The following SERF2 variants were observed in gnomAD, a reference collection of about 807,000 sequenced individuals.
SERF2 encodes the protein gastric cancer-related protein VRG107.
A neutral mutation model predicts 10.7 loss-of-function variants in SERF2; 4 were observed. That is an observed-to-expected ratio of 0.37 (90% CI 0.18 to 0.86). The LOEUF (loss-of-function observed/expected upper bound fraction) is 0.86, where lower values mean the gene tolerates loss of function less well. SERF2 is among the 40% of genes least tolerant of loss of function. The probability of loss-of-function intolerance (pLI) is 0.43; values close to 1 mark genes in which losing one functional copy is unlikely to be tolerated. For missense variants in SERF2, 47 were observed against 79.1 expected (o/e 0.59, Z 1.54); for synonymous variants, 26 against 26.0 (o/e 1.00, Z 0.01).
In SERF2 at chr15:43,794,328, T is replaced by C. The variant is rs906735508; in HGVS notation, c.*555T>C. 9.3e-6 allele frequency: 2 copies of C among 214,164 alleles called. No homozygotes were observed. Among genetic ancestry groups the C allele is most frequent in the African/African-American group, 4.6e-5 (2 of 43,628 alleles). The allele number at this position is 214,164 out of a possible 1,614,324, so 13.3% of individuals were successfully genotyped here. ...AGGATGGAGTTGGCCTAAGAGTGAATGCTGCAAGATCTGTGTTTATGCCTC... is the reference window on the plus strand; with the variant it reads ...AGGATGGAGTTGGCCTAAGAGTGAACGCTGCAAGATCTGTGTTTATGCCTC... On this transcript the variant is annotated 3_prime_UTR_variant, in exon 3 of 3. Transcript: ENST00000249786.
At chr15:43,778,558 A>G (rs2141665088) in intron 1 of SERF2, among the ~76,000 whole-genome samples, 1 of 123,854 alleles carries the variant, frequency 8.1e-6, no homozygotes. Flanking sequence ...AAAAAAGGCC[A>G]GGCGCGCTGG....
intron 1 of SERF2, among the ~76,000 whole-genome samples, chr15:43,780,940 C>G (rs1451357864): frequency 1.3e-5 from 2 of 152,068 alleles, no homozygotes. Flanking sequence ...GCTAACTCAG[C>G]ATAAGATTTT....
intron 1 of SERF2, among the ~76,000 whole-genome samples, chr15:43,781,496 G>A (rs1410484824): frequency 1.3e-5 from 2 of 151,896 alleles, no homozygotes; most frequent in African/African-American, 4.8e-5. Context: ...AGGTTTCAGT[G>A]AGCTGAGATA....
At chr15:43,777,159 T>C (rs2086926745) in exon 1 of SERF2, 2 of 663,786 alleles carry the variant, frequency 3.0e-6, no homozygotes, top group Non-Finnish European at 5.7e-6. Flanking sequence ...CTTTGGGCTA[T>C]CGGAAGAGCT....
At position 43,795,363 on chromosome 15, in the gene SERF2, G is replaced by T; in HGVS notation, c.*1590G>T. 6.2e-7 allele frequency: 1 copy of T among 1,613,428 alleles called. No homozygotes were observed. Among genetic ancestry groups the T allele is most frequent in the Non-Finnish European group, 8.5e-7 (1 of 1,179,370 alleles). On this transcript the variant is annotated 3_prime_UTR_variant, in exon 3 of 3. Transcript: ENST00000249786. The stretch of plus-strand genomic sequence containing the variant: ...TTAAAATAGCTAGCTCTTCAGGAGA[G>T]TATCTAAGGCCCACTCCATCTTACC...
Position 43,795,572 on chromosome 15 carries a change from A to G in SERF2, c.*1799A>G. The G allele has an allele frequency of 6.2e-7, 1 of 1,613,724 alleles. No individual in the cohort carries two copies. The highest frequency in any genetic ancestry group is 8.5e-7 in the Non-Finnish European group (1 of 1,179,744). Reference sequence around the variant, plus strand: ...GAGAGGAAATGGCTGCTGGGAGCAGAGCTGCTGAAACACCTCTTCCCCTCT... The same window carrying G: ...GAGAGGAAATGGCTGCTGGGAGCAGGGCTGCTGAAACACCTCTTCCCCTCT... On this transcript the variant is annotated 3_prime_UTR_variant, in exon 3 of 3. Transcript: ENST00000249786.
chr15:43,795,108 C>T lies in SERF2; in HGVS notation c.*1335C>T, dbSNP rs146664766. ...GGGGCCAACAGAGTGGTGCCAGTAA[C>T]AGCCCCAGATAGAGGAGTACGCAGG... On this transcript the variant is annotated 3_prime_UTR_variant, in exon 3 of 3. Coordinates refer to ENST00000249786, the MANE Select transcript of SERF2 (RefSeq NM_001018108.4). 4.0e-5 allele frequency: 64 copies of T among 1,613,916 alleles called. No homozygotes were observed. In the Admixed American group the frequency reaches 4.7e-4, roughly 12 times the overall value.
At position 43,779,611 on chromosome 15, in the gene SERF2, C is replaced by T. The variant is rs2086949612; in HGVS notation, c.-527+2109C>T. Among the ~76,000 whole-genome samples the T allele has an allele frequency of 2.6e-5, 4 of 152,072 alleles. No homozygotes were observed. The South Asian group carries it at 8.3e-4, about 32-fold the overall frequency. On this transcript the variant is annotated intron_variant, in intron 1 of 4. Coordinates refer to the SERF2 transcript ENST00000381359. ...GGGTCAAGCAGTCCACCCACCTCAG[C>T]CTCCTTCATAGCTGTAACTACAGGA...
chr15:43,793,597 C>T (rs2087124978), intron 2 of SERF2, 113 bp from the exon 3 acceptor site: 1 of 1,589,482 alleles, frequency 6.3e-7, no homozygotes, highest in Non-Finnish European at 8.6e-7. Context: ...AGCAGCCAAA[C>T]GCTGAACTTA....
chr15:43,785,053 ATTAT>A (rs1176540436), intron 1 of SERF2, among the ~76,000 whole-genome samples: 2 of 126,476 alleles, frequency 1.6e-5, no homozygotes, highest in African/African-American at 3.0e-5. Flanking sequence ...GTGCTCTGCC[ATTAT>A]TTATTTATTT....
At position 43,794,614 on chromosome 15, in the gene SERF2, C is replaced by G. The variant is rs940880610; in HGVS notation, c.*841C>G. 2.1e-5 allele frequency: 4 copies of G among 192,666 alleles called. No individual in the cohort carries two copies. The highest frequency in any genetic ancestry group is 9.3e-5 in the African/African-American group (4 of 42,856). 11.9% of individuals were successfully genotyped at this position (192,666 alleles called of 1,614,324 possible). ...GCTTCTTATATCCGTGTGCCCAGGG[C>G]TGAACTCCTTATTTTCCTTTCTCCA... On this transcript the variant is annotated 3_prime_UTR_variant, in exon 3 of 3. Coordinates refer to ENST00000249786, the MANE Select transcript of SERF2 (RefSeq NM_001018108.4).
chr15:43,792,602 C>G lies in SERF2; in HGVS notation c.7+219C>G, dbSNP rs1210428218. On this transcript the variant is annotated intron_variant, in intron 1 of 2. Coordinates refer to ENST00000249786, the MANE Select transcript of SERF2 (RefSeq NM_001018108.4). Reference sequence around the variant, plus strand: ...GGGTTAGGCATAGGCCCTCCCGGATCTTCCGCGGTGTAAGGAGAAGGCCAG... The same window carrying G: ...GGGTTAGGCATAGGCCCTCCCGGATGTTCCGCGGTGTAAGGAGAAGGCCAG... 10 of 1,442,452 alleles carry G rather than the reference C, an allele frequency of 6.9e-6. No homozygotes were observed. The South Asian group carries it at 1.4e-4, about 21-fold the overall frequency. 89.4% of individuals were successfully genotyped at this position (1,442,452 alleles called of 1,614,324 possible).
At chr15:43,782,066 T>C (rs2086969431) in intron 1 of SERF2, among the ~76,000 whole-genome samples, 1 of 151,954 alleles carries the variant, frequency 6.6e-6, no homozygotes, top group Admixed American at 6.6e-5. Context: ...TTTTTGTATT[T>C]TTAGTAGAGA....
In SERF2 at chr15:43,794,059, G is replaced by A. The variant is rs973500313; in HGVS notation, c.*286G>A. 2 of 1,299,046 alleles carry A rather than the reference G, an allele frequency of 1.5e-6. No homozygotes were observed. The highest frequency in any genetic ancestry group is 2.0e-6 in the Non-Finnish European group (2 of 975,952). The allele number at this position is 1,299,046 out of a possible 1,614,324, so 80.5% of individuals were successfully genotyped here. ...AGCTTTGTAATTCCTTGAGCGCCTG[G>A]TTTGACTGGGGACTTGGGGGGATGG... On this transcript the variant is annotated 3_prime_UTR_variant, in exon 3 of 3. Coordinates refer to ENST00000249786, the MANE Select transcript of SERF2 (RefSeq NM_001018108.4).
At chr15:43,783,063 A>G (rs1362260899) in intron 1 of SERF2, among the ~76,000 whole-genome samples, 3 of 143,788 alleles carry the variant, frequency 2.1e-5, no homozygotes, top group African/African-American at 8.0e-5. Context: ...GCTGTAGTGC[A>G]GTGGCACAAT....
chr15:43,792,128 C>T (rs527632126), upstream of SERF2: 93 of 560,022 alleles, frequency 1.7e-4, 1 homozygote, highest in South Asian at 1.7e-3. Flanking sequence ...CCCGTCCCTA[C>T]GTCTCACTCG....
At chr15:43,792,793 C>T (rs1339462779) in intron 1 of SERF2, 182 bp from the exon 2 acceptor site, 8 of 686,768 alleles carry the variant, frequency 1.2e-5, no homozygotes, top group Non-Finnish European at 1.9e-5. Context: ...GTATTTTGAC[C>T]TGGCCCGTGG....
chr15:43,784,960 C>T (rs2086994126), intron 1 of SERF2, among the ~76,000 whole-genome samples: 1 of 139,540 alleles, frequency 7.2e-6, no homozygotes, highest in Non-Finnish European at 1.5e-5. Flanking sequence ...GCCATGTTGG[C>T]CAGGCTGGTC....
chr15:43,789,345 T>C (rs2087034063), upstream of SERF2, among the ~76,000 whole-genome samples: 1 of 152,174 alleles, frequency 6.6e-6, no homozygotes, highest in African/African-American at 2.4e-5. Flanking sequence ...TGGCTCTTGA[T>C]GGGATGACCT....
Sources: allele counts gnomAD v4.1 joint callset (sites outside exome capture counted in the v4.1 genomes callset), GRCh38; gene constraint gnomAD v4.1.1; transcripts MANE v1.5; gene names NCBI Gene and HGNC (gene_info 2026-07-23, HGNC 2026-07-21).